CFAP20DC: variants seen among roughly 807,000 people sequenced by gnomAD.
The protein encoded by CFAP20DC is CFAP20 domain containing.
Under a neutral mutation model 101.7 loss-of-function variants are expected in CFAP20DC, and 84 were observed. The observed-to-expected ratio is 0.83, with a 90% CI of 0.69 to 0.99. CFAP20DC has a LOEUF of 0.99. Ranked by LOEUF, CFAP20DC falls within the 50% of genes least tolerant of loss-of-function variation. The pLI, the probability that CFAP20DC is intolerant of heterozygous loss-of-function variation, is 0.00. For missense variants in CFAP20DC, 1,007 were observed against 970.3 expected (o/e 1.04, Z -0.50); for synonymous variants, 359 against 351.2 (o/e 1.02, Z -0.25).
At chr3:58,744,817 C>A (rs993957591) in intron 16 of CFAP20DC, among the ~76,000 whole-genome samples, 1 of 152,094 alleles carries the variant, frequency 6.6e-6, no homozygotes, top group Non-Finnish European at 1.5e-5. Context: ...AGCTGACCAG[C>A]AAATGAAACA....
chr3:58,809,329 G>C (rs2074399550), intron 14 of CFAP20DC, among the ~76,000 whole-genome samples: 1 of 152,048 alleles, frequency 6.6e-6, no homozygotes. Flanking sequence ...AAATGTAAAA[G>C]AACAGAAATT....
intron 14 of CFAP20DC, among the ~76,000 whole-genome samples, chr3:58,829,014 GT>G (rs2076223039): frequency 6.6e-6 from 1 of 152,114 alleles, no homozygotes; most frequent in African/African-American, 2.4e-5. Flanking sequence ...CAATATGGAT[GT>G]TGACATTATT....
At chr3:59,039,506 A>T in intron 4 of CFAP20DC, 51 bp downstream of exon 4, 1 of 1,128,678 alleles carries the variant, frequency 8.9e-7, no homozygotes, top group Admixed American at 2.2e-5. Flanking sequence ...GCTTCAATTG[A>T]TCAAATGTCT....
intron 14 of CFAP20DC, among the ~76,000 whole-genome samples, chr3:58,811,750 C>T (rs527428286): frequency 6.6e-6 from 1 of 152,178 alleles, no homozygotes; most frequent in South Asian, 2.1e-4. Context: ...AAAGAAACTA[C>T]CATCAGAGTG....
chr3:58,716,575 A>C (rs2067402578), downstream of CFAP20DC, among the ~76,000 whole-genome samples: 1 of 152,180 alleles, frequency 6.6e-6, no homozygotes, highest in Admixed American at 6.5e-5. Context: ...GCAGGCCAAA[A>C]GTGGTCTCTC....
chr3:58,964,435 C>T lies in CFAP20DC; in HGVS notation c.279-26673G>A, dbSNP rs1386381065. On this transcript the variant is annotated intron_variant, in intron 4 of 16. Transcript: ENST00000482387. The surrounding 1 kb of genome is among the most constrained non-coding windows in gnomAD (Gnocchi z 4.1). ...ACCCTTTTCATGAATATTCATAGCTCCCCCTATATCTTGTTGAATATGTAT... is the reference window on the plus strand; with the variant it reads ...ACCCTTTTCATGAATATTCATAGCTTCCCCTATATCTTGTTGAATATGTAT... 6.6e-6 allele frequency among the ~76,000 whole-genome samples: 1 copy of T among 152,170 alleles called. No individual in the cohort carries two copies. Among genetic ancestry groups the T allele is most frequent in the Non-Finnish European group, 1.5e-5 (1 of 68,022 alleles).
At chr3:58,737,206 T>C (rs1248164640), downstream of CFAP20DC, 2 of 456,382 alleles carry the variant, frequency 4.4e-6, no homozygotes, top group Non-Finnish European at 8.8e-6. This position sits in a 1 kb window ranked among gnomAD's most constrained non-coding sequence, Gnocchi z 4.1. Flanking sequence ...TACAGCCTGG[T>C]CAGGAGTGTG....
chr3:59,021,648 C>T (rs1454916492), intron 4 of CFAP20DC, among the ~76,000 whole-genome samples: 1 of 152,046 alleles, frequency 6.6e-6, no homozygotes, highest in Admixed American at 6.6e-5. Context: ...ACAGATTGAA[C>T]CTGGTCACAC....
chr3:58,949,987 G>T (rs910492938), intron 4 of CFAP20DC, among the ~76,000 whole-genome samples: 3 of 152,200 alleles, frequency 2.0e-5, no homozygotes, highest in African/African-American at 7.2e-5. Context: ...AGTTGTCCCT[G>T]TTTGCAGATG....
chr3:58,801,859 A>G (rs978394925), intron 15 of CFAP20DC, among the ~76,000 whole-genome samples: 1 of 152,256 alleles, frequency 6.6e-6, no homozygotes, highest in Non-Finnish European at 1.5e-5. Flanking sequence ...ACAATCTGCA[A>G]TGACATTTTT....
intron 13 of CFAP20DC, among the ~76,000 whole-genome samples, chr3:58,845,869 C>T (rs866777229): frequency 0.025 from 3,758 of 150,482 alleles, 149 homozygotes; most frequent in African/African-American, 0.085. Flanking sequence ...ATACGCAAAT[C>T]AATAAATGTA....
intron 4 of CFAP20DC, among the ~76,000 whole-genome samples, chr3:59,005,563 T>C (rs1368497983): frequency 2.0e-5 from 3 of 152,330 alleles, no homozygotes; most frequent in Admixed American, 2.0e-4. Flanking sequence ...TTATATGAAT[T>C]AAGCTTTCCG....
intron 15 of CFAP20DC, among the ~76,000 whole-genome samples, chr3:58,763,222 A>C (rs2069842969): frequency 6.6e-6 from 1 of 152,130 alleles, no homozygotes; most frequent in Admixed American, 6.6e-5. Context: ...TATTTCTTGG[A>C]GGCTTTCTTC....
At chr3:58,752,780 C>A (rs1351182620) in intron 16 of CFAP20DC, among the ~76,000 whole-genome samples, 1 of 152,146 alleles carries the variant, frequency 6.6e-6, no homozygotes, top group East Asian at 1.9e-4. Flanking sequence ...GGCTCTCACT[C>A]TGAATTCTCC....
chr3:58,961,301 C>T (rs1293373266), intron 4 of CFAP20DC, among the ~76,000 whole-genome samples: 1 of 152,140 alleles, frequency 6.6e-6, no homozygotes, highest in Non-Finnish European at 1.5e-5. Flanking sequence ...CGCCTGTAAT[C>T]CCAGCACTTT....
chr3:59,049,812 A>G lies in CFAP20DC; in HGVS notation c.-181T>C, dbSNP rs1305849483. The G allele has an allele frequency of 4.4e-6, 3 of 678,982 alleles. No individual in the cohort carries two copies. The highest frequency in any genetic ancestry group is 1.8e-5 in the African/African-American group (1 of 55,154). 42.1% of individuals were successfully genotyped at this position (678,982 alleles called of 1,614,324 possible). A position where few individuals can be genotyped will look rare whatever the true frequency, so the allele number is the denominator to read the frequency against. On this transcript the variant is annotated 5_prime_UTR_variant, in exon 1 of 17. An upstream start codon of the reference 5' UTR is lost. Transcript: ENST00000482387. Reference sequence around the variant, plus strand: ...GCCCCTCCGGCCCCTGGTCAGCTCCATCTCCCGCCCTCCATCAGCACCATT... The same window carrying G: ...GCCCCTCCGGCCCCTGGTCAGCTCCGTCTCCCGCCCTCCATCAGCACCATT...
rs996853799 is a variant in CFAP20DC, at chr3:58,852,230, G to C, written c.1594-2821C>G. ...ATGCTTCAGGATCTTGATCCCACTT[G>C]TTTAAAATTTCCATTGAAAGCTCTG... On this transcript the variant is annotated intron_variant, in intron 12 of 16. Coordinates refer to ENST00000482387, the MANE Select transcript of CFAP20DC (RefSeq NM_001394063.1). Among the ~76,000 whole-genome samples the C allele has an allele frequency of 3.9e-5, 6 of 152,064 alleles. 1 individual carries two copies. The highest frequency in any genetic ancestry group is 7.4e-5 in the Non-Finnish European group (5 of 68,020).
Position 58,732,533 on chromosome 3 carries a change from T to C in CFAP20DC, c.198-14905A>G, listed in dbSNP as rs1260948466. On this transcript the variant is annotated intron_variant, in intron 3 of 3. Transcript: ENST00000486145. The surrounding 1 kb of genome is among the most constrained non-coding windows in gnomAD (Gnocchi z 5.4). The stretch of plus-strand genomic sequence containing the variant: ...AGAAAGCATTATAATAAATTTATAG[T>C]GCACACTATTTTAGAGGCTGACATG... Among the ~76,000 whole-genome samples the C allele has an allele frequency of 1.3e-5, 2 of 152,214 alleles. No homozygotes were observed. The highest frequency in any genetic ancestry group is 2.9e-5 in the Non-Finnish European group (2 of 68,032).
At chr3:59,025,325 A>ATC (rs982098938) in intron 4 of CFAP20DC, among the ~76,000 whole-genome samples, 7 of 152,168 alleles carry the variant, frequency 4.6e-5, no homozygotes, top group Non-Finnish European at 7.4e-5. Flanking sequence ...GAAAAGCTGC[A>ATC]TCTGTCTTTA....
Sources: allele counts gnomAD v4.1 joint callset (sites outside exome capture counted in the v4.1 genomes callset), GRCh38; gene constraint gnomAD v4.1.1; non-coding constraint Gnocchi (gnomAD v3.1); transcripts MANE v1.5; gene names NCBI Gene and HGNC (gene_info 2026-07-23, HGNC 2026-07-21).